Variants in PBRM1 observed in about 807,000 individuals in gnomAD.
PBRM1 encodes the protein polybromo 1, also known as protein polybromo-1.
Under a neutral mutation model 194.5 loss-of-function variants are expected in PBRM1, and 27 were observed. That is an observed-to-expected ratio of 0.14 (90% CI 0.10 to 0.19). The LOEUF (loss-of-function observed/expected upper bound fraction) is 0.19. Ranked by LOEUF, PBRM1 falls within the 10% of genes least tolerant of loss-of-function variation. The pLI, the probability that PBRM1 is intolerant of heterozygous loss-of-function variation, is 1.00. For synonymous variants in PBRM1, 655 were observed against 693.2 expected, an observed-to-expected ratio of 0.94 and a Z score of 0.87; for missense variants, 1,466 against 2,077.2, an observed-to-expected ratio of 0.71 and a Z score of 5.72.
intron 25 of PBRM1, chr3:52,560,479 C>T (rs965570511): frequency 1.3e-5 from 2 of 152,204 alleles, no homozygotes; most frequent in African/African-American, 2.4e-5. Flanking sequence ...ATAGGTACTA[C>T]ATAAATACCT....
chr3:52,608,673 A>G (rs972381539), intron 16 of PBRM1, among the ~76,000 whole-genome samples: 2 of 151,922 alleles, frequency 1.3e-5, no homozygotes, highest in Non-Finnish European at 2.9e-5. Context: ...CTAAGTGCAC[A>G]TATAAAATAC....
intron 20 of PBRM1, 88 bp downstream of exon 22, chr3:52,586,331 CTCTTTT>C (rs2092388861): frequency 1.9e-6 from 2 of 1,075,948 alleles, no homozygotes; most frequent in Non-Finnish European, 2.7e-6. Flanking sequence ...TGTGTTGTTG[CTCTTTT>C]TCTAAGTTTG....
chr3:52,676,829 G>C (rs2097115503), intron 2 of PBRM1, among the ~76,000 whole-genome samples: 1 of 152,210 alleles, frequency 6.6e-6, no homozygotes, highest in Non-Finnish European at 1.5e-5. Context: ...GGTGGTCTCA[G>C]ATGGAGATGA....
At chr3:52,600,414 C>G (rs924324289) in intron 17 of PBRM1, among the ~76,000 whole-genome samples, 5 of 152,126 alleles carry the variant, frequency 3.3e-5, no homozygotes, top group African/African-American at 1.2e-4. Flanking sequence ...GACCTGTCAT[C>G]AATTCCTGAA....
exon 28 of PBRM1, chr3:52,550,779 G>C: frequency 6.2e-7 from 1 of 1,612,046 alleles, no homozygotes; most frequent in East Asian, 2.2e-5. Context: ...CCTGGTGCTG[G>C]AGTCCCTACC....
chr3:52,679,852 A>T, upstream of PBRM1: 1 of 565,634 alleles, frequency 1.8e-6, no homozygotes, highest in Non-Finnish European at 2.8e-6. Context: ...TAGTTTAACT[A>T]GCTATAAGTT....
chr3:52,603,477 G>T (rs778349950), intron 17 of PBRM1, 44 bp downstream of exon 19: 62 of 1,559,298 alleles, frequency 4.0e-5, no homozygotes, highest in Non-Finnish European at 5.2e-5. Context: ...ACACCTAGAA[G>T]ACAGTGCATT....
chr3:52,604,787 A>G (rs1347376474), intron 16 of PBRM1, among the ~76,000 whole-genome samples: 2 of 152,082 alleles, frequency 1.3e-5, no homozygotes, highest in African/African-American at 4.8e-5. Flanking sequence ...AAAATGGTGA[A>G]ACCCAGTCTC....
exon 17 of PBRM1, chr3:52,603,665 G>A (rs2094153154): frequency 6.8e-6 from 11 of 1,612,836 alleles, no homozygotes; most frequent in African/African-American, 1.3e-5. Context: ...TTTTTGCAGA[G>A]TTCATCACGA....
intron 4 of PBRM1, 106 bp from the exon 6 acceptor site, chr3:52,658,421 T>C (rs974024760): frequency 1.4e-5 from 8 of 585,656 alleles, no homozygotes; most frequent in African/African-American, 9.4e-5. Flanking sequence ...ACTTTTTTTT[T>C]TTTTTTTGAG....
intron 17 of PBRM1, among the ~76,000 whole-genome samples, chr3:52,598,881 G>T (rs2093766276): frequency 6.6e-6 from 1 of 152,132 alleles, no homozygotes; most frequent in African/African-American, 2.4e-5. Context: ...AATCAGCTGG[G>T]TGTGGTGGCG....
At chr3:52,576,756 C>A (rs2153662528) in intron 21 of PBRM1, 58 bp from the exon 24 acceptor site, 1 of 1,392,064 alleles carries the variant, frequency 7.2e-7, no homozygotes, top group African/African-American at 1.5e-5. Context: ...AAGGATTAAT[C>A]TAACAAAAAT....
chr3:52,625,421 C>T (rs571843727), intron 13 of PBRM1, among the ~76,000 whole-genome samples: 1 of 152,226 alleles, frequency 6.6e-6, no homozygotes, highest in African/African-American at 2.4e-5. Flanking sequence ...ACATTTCAAA[C>T]TCAGATTCTT....
chr3:52,598,311 A>G (rs1239340860), intron 17 of PBRM1, among the ~76,000 whole-genome samples: 3 of 152,178 alleles, frequency 2.0e-5, no homozygotes, highest in African/African-American at 7.2e-5. Context: ...ATTATCCCAA[A>G]CAGAAACTTT....
chr3:52,675,170 G>C (rs2097069286), intron 2 of PBRM1, among the ~76,000 whole-genome samples: 1 of 152,040 alleles, frequency 6.6e-6, no homozygotes, highest in African/African-American at 2.4e-5. Flanking sequence ...ACCTACTAAA[G>C]ACATACAAAG....
chr3:52,628,865 A>G (rs2095529036), intron 12 of PBRM1, 29 bp downstream of exon 13: 2 of 1,607,346 alleles, frequency 1.2e-6, no homozygotes, highest in Non-Finnish European at 1.7e-6. Flanking sequence ...CATATATACA[A>G]CAAACTCAGC....
chr3:52,664,496 G>A (rs1408293057), intron 3 of PBRM1, among the ~76,000 whole-genome samples: 1 of 151,432 alleles, frequency 6.6e-6, no homozygotes, highest in Non-Finnish European at 1.5e-5. Flanking sequence ...AGCACTTTGG[G>A]AGGCTGAGGC....
intron 22 of PBRM1, among the ~76,000 whole-genome samples, chr3:52,575,564 A>G (rs915958389): frequency 3.5e-5 from 4 of 115,720 alleles, no homozygotes; most frequent in Admixed American, 9.8e-5. Context: ...TCCAGGCTAG[A>G]GTGCAGTGGC....
intron 7 of PBRM1, among the ~76,000 whole-genome samples, chr3:52,646,871 A>C (rs933766102): frequency 6.6e-5 from 10 of 152,204 alleles, no homozygotes; most frequent in African/African-American, 2.4e-4. Context: ...ATTTGATATG[A>C]CACTTAAGCA....
Sources: allele counts gnomAD v4.1 joint callset (sites outside exome capture counted in the v4.1 genomes callset), GRCh38; gene constraint gnomAD v4.1.1; transcripts MANE v1.5; gene names NCBI Gene and HGNC (gene_info 2026-07-23, HGNC 2026-07-21).